GRID2: variants seen among roughly 807,000 people sequenced by gnomAD.
GRID2 encodes glutamate receptor ionotropic, delta-2.
GRID2 carries 33 observed loss-of-function variants against 114.8 expected under a neutral mutation model. The ratio of observed to expected loss-of-function variants is 0.29; its 90% CI spans 0.22 to 0.38. The LOEUF (loss-of-function observed/expected upper bound fraction) is 0.38, where lower values mean the gene tolerates loss of function less well. Among genes scored for constraint, GRID2 ranks in the 10% least tolerant of loss-of-function variants. GRID2 has a pLI of 1.00. For synonymous variants in GRID2, 505 were observed against 449.9 expected (o/e 1.12, Z -1.55); for missense variants, 1,184 against 1,257.7 (o/e 0.94, Z 0.89).
chr4:92,899,971 G>A (rs1473379614), intron 2 of GRID2, among the ~76,000 whole-genome samples: 1 of 152,088 alleles, frequency 6.6e-6, no homozygotes, highest in Admixed American at 6.6e-5. Flanking sequence ...AAATTAGATG[G>A]GAGAGGAGTG....
chr4:93,661,687 A>G (rs971163170), intron 14 of GRID2, among the ~76,000 whole-genome samples: 2 of 152,180 alleles, frequency 1.3e-5, no homozygotes, highest in Non-Finnish European at 2.9e-5. Flanking sequence ...TGTAGGAACA[A>G]TGATTGAATA....
chr4:93,474,986 A>C (rs1344183005), intron 11 of GRID2, among the ~76,000 whole-genome samples: 1 of 152,042 alleles, frequency 6.6e-6, no homozygotes, highest in Non-Finnish European at 1.5e-5. Context: ...ACCTGAGTTT[A>C]ATAAGTTTTT....
chr4:92,573,377 G>A (rs746651050), intron 1 of GRID2, among the ~76,000 whole-genome samples: 1 of 151,842 alleles, frequency 6.6e-6, no homozygotes, highest in Non-Finnish European at 1.5e-5. Context: ...TTTGCTCTTG[G>A]TTCTCTAGTT....
At chr4:92,818,541 T>C (rs778735113) in intron 2 of GRID2, among the ~76,000 whole-genome samples, 2 of 152,114 alleles carry the variant, frequency 1.3e-5, no homozygotes, top group African/African-American at 2.4e-5. Context: ...ATTTGGTGTA[T>C]TGCTTGGAAA....
At chr4:93,589,744 T>G (rs1376270133) in intron 13 of GRID2, among the ~76,000 whole-genome samples, 2 of 152,182 alleles carry the variant, frequency 1.3e-5, no homozygotes, top group African/African-American at 4.8e-5. Context: ...TGATTGCCAT[T>G]CTAACTGGTG....
intron 4 of GRID2, among the ~76,000 whole-genome samples, chr4:93,152,492 G>C (rs1018458264): frequency 2.6e-5 from 4 of 152,100 alleles, no homozygotes; most frequent in Non-Finnish European, 5.9e-5. Context: ...AGAAATCAAA[G>C]AAGTACAAAA....
intron 2 of GRID2, among the ~76,000 whole-genome samples, chr4:93,049,069 G>A (rs2149278128): frequency 6.6e-6 from 1 of 152,036 alleles, no homozygotes; most frequent in African/African-American, 2.4e-5. Flanking sequence ...AAGTTAAACA[G>A]AATAACATCT....
intron 4 of GRID2, among the ~76,000 whole-genome samples, chr4:93,160,864 A>G (rs1333637475): frequency 6.6e-6 from 1 of 151,842 alleles, no homozygotes; most frequent in Non-Finnish European, 1.5e-5. Flanking sequence ...CTGAACCTGA[A>G]TCTGCATTTT....
chr4:93,493,995 G>A (rs1001243548), intron 12 of GRID2, among the ~76,000 whole-genome samples: 4 of 151,802 alleles, frequency 2.6e-5, no homozygotes, highest in South Asian at 2.1e-4. Flanking sequence ...ATTCCCTCCC[G>A]AAATTTAAAG....
At chr4:92,592,653 C>T (rs1410573673) in intron 2 of GRID2, among the ~76,000 whole-genome samples, 1 of 151,896 alleles carries the variant, frequency 6.6e-6, no homozygotes, top group African/African-American at 2.4e-5. Flanking sequence ...GGACAGTTTG[C>T]CTGATGGTTT....
chr4:92,857,234 G>A (rs777686634), intron 2 of GRID2, among the ~76,000 whole-genome samples: 1 of 152,112 alleles, frequency 6.6e-6, no homozygotes, highest in Non-Finnish European at 1.5e-5. Context: ...TGAAGTGAGA[G>A]GAAGAGTCAT....
At chr4:92,908,535 C>A (rs1748127116) in intron 2 of GRID2, among the ~76,000 whole-genome samples, 1 of 146,628 alleles carries the variant, frequency 6.8e-6, no homozygotes, top group Admixed American at 6.8e-5. Flanking sequence ...GCACTCCAGT[C>A]CGGACGACAG....
chr4:93,679,133 C>T (rs573456773), intron 14 of GRID2, among the ~76,000 whole-genome samples: 11 of 151,150 alleles, frequency 7.3e-5, no homozygotes, highest in Admixed American at 6.6e-4. Context: ...CAATCCTAGT[C>T]TCTGATAAAA....
chr4:92,517,920 AAAC>A (rs1195947365), intron 1 of GRID2, among the ~76,000 whole-genome samples: 37 of 151,982 alleles, frequency 2.4e-4, no homozygotes, highest in African/African-American at 8.9e-4. Context: ...AACAAACAAA[AAAC>A]CAAAAAAACC....
intron 8 of GRID2, among the ~76,000 whole-genome samples, chr4:93,297,488 A>T (rs989979780): frequency 2.6e-5 from 4 of 152,166 alleles, no homozygotes; most frequent in Non-Finnish European, 5.9e-5. Flanking sequence ...ATGGTCAAAG[A>T]TCTTGTCTGA....
intron 3 of GRID2, among the ~76,000 whole-genome samples, chr4:93,104,228 T>C (rs1731979831): frequency 1.3e-5 from 2 of 152,226 alleles, no homozygotes; most frequent in South Asian, 4.1e-4. Flanking sequence ...AATATAGTTC[T>C]ATGTTAGTTT....
At chr4:92,861,453 T>G (rs539351930) in intron 2 of GRID2, among the ~76,000 whole-genome samples, 1 of 152,220 alleles carries the variant, frequency 6.6e-6, no homozygotes, top group South Asian at 2.1e-4. Flanking sequence ...ACCAAAGCAA[T>G]CATCTTTTTC....
At chr4:92,811,845 A>G (rs965838401) in intron 2 of GRID2, among the ~76,000 whole-genome samples, 2 of 152,142 alleles carry the variant, frequency 1.3e-5, no homozygotes, top group Admixed American at 6.5e-5. Flanking sequence ...GAGGTAATCA[A>G]ATAATTCAAA....
chr4:92,714,158 A>G (rs1735417110), intron 2 of GRID2, among the ~76,000 whole-genome samples: 1 of 152,174 alleles, frequency 6.6e-6, no homozygotes, highest in African/African-American at 2.4e-5. Flanking sequence ...AATGGGAGAA[A>G]TGGGCCAAAA....
Sources: gnomAD v4.1 joint callset for allele counts (sites outside exome capture counted in the v4.1 genomes callset) on GRCh38, gnomAD v4.1.1 for gene constraint, MANE v1.5 for transcripts, NCBI Gene and HGNC (gene_info 2026-07-23, HGNC 2026-07-21) for gene names.